The following MEGF11 variants were observed in gnomAD, a reference collection of about 807,000 sequenced individuals.
MEGF11 encodes multiple epidermal growth factor-like domains protein 11.
MEGF11 carries 126 observed loss-of-function variants against 146.6 expected under a neutral mutation model. The observed-to-expected ratio is 0.86, with a 90% CI of 0.74 to 1.00. The LOEUF (loss-of-function observed/expected upper bound fraction) is 1.00, where lower values mean the gene tolerates loss of function less well. MEGF11 is among the 50% of genes least tolerant of loss of function. MEGF11 has a pLI of 0.00. For synonymous variants in MEGF11, 532 were observed against 583.4 expected (o/e 0.91, Z 1.27); for missense variants, 1,509 against 1,521.2 (o/e 0.99, Z 0.13).
intron 5 of MEGF11, among the ~76,000 whole-genome samples, chr15:66,046,527 G>A (rs2084210999): frequency 6.6e-6 from 1 of 152,242 alleles, no homozygotes; most frequent in Admixed American, 6.5e-5. Context: ...GCACTGCCGA[G>A]CATCCTGCAG....
intron 5 of MEGF11, among the ~76,000 whole-genome samples, chr15:65,990,099 T>C (rs1453625573): frequency 2.6e-5 from 4 of 152,098 alleles, no homozygotes; most frequent in Admixed American, 6.5e-5. Flanking sequence ...TAGTCCCAGC[T>C]ACTTGGGAGG....
Position 66,123,973 on chromosome 15 carries a change from A to G in MEGF11, c.126T>C (p.Tyr42=). Residue 42 remains tyrosine (Y), a synonymous_variant, in exon 3 of 26, where the codon TAT becomes TAC. Coordinates refer to ENST00000395614, the MANE Select transcript of MEGF11 (RefSeq NM_001385028.1). ...ESYAVTVQES[Y]AHPFDQIYYT... ...AATAGATCTGATCGAAGGGGTGTGCATACGATTCCTGGACAGTCACAGCAT... is the reference window on the plus strand; with the variant it reads ...AATAGATCTGATCGAAGGGGTGTGCGTACGATTCCTGGACAGTCACAGCAT... 1 of 1,613,988 alleles carries G rather than the reference A, an allele frequency of 6.2e-7. No homozygotes were observed. Among genetic ancestry groups the G allele is most frequent in the Non-Finnish European group, 8.5e-7 (1 of 1,179,842 alleles).
At chr15:65,922,203 G>C in intron 15 of MEGF11, 135 bp downstream of exon 15, 4 of 1,059,532 alleles carry the variant, frequency 3.8e-6, no homozygotes, top group Non-Finnish European at 5.5e-6. Context: ...TCTCATAAAG[G>C]CAGCCCAAGT....
intron 1 of MEGF11, among the ~76,000 whole-genome samples, chr15:66,190,317 G>T (rs182543981): frequency 6.6e-6 from 1 of 152,266 alleles, no homozygotes; most frequent in African/African-American, 2.4e-5. Flanking sequence ...GCCCGGGCTG[G>T]TCTCAAACTC....
At chr15:65,910,623 A>G (rs1395404438) in intron 21 of MEGF11, among the ~76,000 whole-genome samples, 3 of 152,002 alleles carry the variant, frequency 2.0e-5, no homozygotes, top group Non-Finnish European at 4.4e-5. Flanking sequence ...CCAGCCCCTT[A>G]CCAAAAGAGG....
intron 1 of MEGF11, among the ~76,000 whole-genome samples, chr15:66,187,790 C>T (rs1277350155): frequency 6.6e-6 from 1 of 152,194 alleles, no homozygotes; most frequent in Admixed American, 6.5e-5. Context: ...AACGAAGAGT[C>T]CCACGTGCTT....
At chr15:66,207,320 G>A (rs1021150286) in intron 1 of MEGF11, among the ~76,000 whole-genome samples, 2 of 152,142 alleles carry the variant, frequency 1.3e-5, no homozygotes, top group Non-Finnish European at 2.9e-5. Context: ...GAAGCAATTC[G>A]TCCTGTACAA....
chr15:66,225,475 C>A (rs773490230), intron 1 of MEGF11, among the ~76,000 whole-genome samples: 4 of 152,210 alleles, frequency 2.6e-5, no homozygotes, highest in African/African-American at 4.8e-5. Flanking sequence ...CACCCTCTAC[C>A]TTACCAGGCT....
At chr15:65,914,107 C>T (rs1202051522) in intron 19 of MEGF11, 134 bp from the exon 20 acceptor site, 1 of 662,118 alleles carries the variant, frequency 1.5e-6, no homozygotes, top group Admixed American at 2.5e-5. Context: ...TTCCTGAGTC[C>T]CTATGTGACT....
chr15:66,157,058 C>T (rs2089785456), intron 1 of MEGF11, among the ~76,000 whole-genome samples: 1 of 152,126 alleles, frequency 6.6e-6, no homozygotes, highest in African/African-American at 2.4e-5. Flanking sequence ...ACCCTTGAGG[C>T]TTATGACTCT....
At chr15:66,037,598 A>T (rs2083772861) in intron 5 of MEGF11, among the ~76,000 whole-genome samples, 2 of 152,206 alleles carry the variant, frequency 1.3e-5, no homozygotes, top group Admixed American at 6.5e-5. Context: ...GTCCCATCAT[A>T]GGGTGGGGTG....
intron 5 of MEGF11, among the ~76,000 whole-genome samples, chr15:66,082,441 A>T (rs1410566434): frequency 3.8e-5 from 4 of 104,012 alleles, no homozygotes; most frequent in Admixed American, 1.0e-4. Flanking sequence ...AAAAAAAAAA[A>T]AAAAAAAAAA....
chr15:66,201,451 A>T (rs2091154749), intron 1 of MEGF11, among the ~76,000 whole-genome samples: 1 of 152,140 alleles, frequency 6.6e-6, no homozygotes, highest in Non-Finnish European at 1.5e-5. Context: ...AAAGGGTAGG[A>T]TGAGGCACAC....
At chr15:65,921,474 A>G (rs1214570414) in intron 15 of MEGF11, among the ~76,000 whole-genome samples, 1 of 152,124 alleles carries the variant, frequency 6.6e-6, no homozygotes, top group Non-Finnish European at 1.5e-5. Context: ...TCTACACAGA[A>G]TGCTTTTCTT....
intron 5 of MEGF11, among the ~76,000 whole-genome samples, chr15:66,005,526 A>T (rs2082495561): frequency 6.6e-6 from 1 of 152,236 alleles, no homozygotes; most frequent in Non-Finnish European, 1.5e-5. Context: ...GAAGCAAAAA[A>T]GGCAGGAGTG....
intron 1 of MEGF11, among the ~76,000 whole-genome samples, chr15:66,176,487 G>T (rs1389607209): frequency 1.3e-5 from 2 of 152,148 alleles, no homozygotes; most frequent in Non-Finnish European, 2.9e-5. Flanking sequence ...TAGCTATTTA[G>T]ATCTAAATTA....
chr15:66,130,072 G>A (rs1218283321), intron 1 of MEGF11, among the ~76,000 whole-genome samples: 1 of 152,122 alleles, frequency 6.6e-6, no homozygotes, highest in Non-Finnish European at 1.5e-5. Context: ...GACCCAATGA[G>A]CACCTCAGAA....
chr15:66,069,756 A>G (rs1335264727), intron 5 of MEGF11, among the ~76,000 whole-genome samples: 7 of 152,218 alleles, frequency 4.6e-5, no homozygotes, highest in Non-Finnish European at 2.9e-5. Flanking sequence ...GAAAAATGCT[A>G]CTGTTCTAAA....
At chr15:65,965,619 T>TCTTTCTTTCTTTC (rs2081059626) in intron 8 of MEGF11, among the ~76,000 whole-genome samples, 7 of 120,018 alleles carry the variant, frequency 5.8e-5, no homozygotes, top group Non-Finnish European at 1.1e-4. Flanking sequence ...TTTTCTTTTT[T>TCTTTCTTTCTTTC]TTTTTTTTGG....
Sources: gnomAD v4.1 joint callset for allele counts (sites outside exome capture counted in the v4.1 genomes callset) on GRCh38, gnomAD v4.1.1 for gene constraint, MANE v1.5 for transcripts, NCBI Gene and HGNC (gene_info 2026-07-23, HGNC 2026-07-21) for gene names.